The following SLC24A2 variants were observed in gnomAD, a reference collection of about 807,000 sequenced individuals.
SLC24A2 encodes the protein sodium/potassium/calcium exchanger 2.
Under a neutral mutation model 62.0 loss-of-function variants are expected in SLC24A2, and 36 were observed. That is an observed-to-expected ratio of 0.58 (90% CI 0.44 to 0.77). The LOEUF (loss-of-function observed/expected upper bound fraction) is 0.77. SLC24A2 is among the 30% of genes least tolerant of loss of function. SLC24A2 has a pLI of 0.00. For missense variants in SLC24A2, 846 were observed against 817.9 expected, an observed-to-expected ratio of 1.03 and a Z score of -0.42; for synonymous variants, 358 against 294.0, an observed-to-expected ratio of 1.22 and a Z score of -2.23.
intron 9 of SLC24A2, among the ~76,000 whole-genome samples, chr9:19,525,446 C>T (rs1459277337): frequency 7.3e-6 from 1 of 136,702 alleles, no homozygotes; most frequent in Non-Finnish European, 1.5e-5. Context: ...CTCTGCCACC[C>T]ATGCTGGAGT....
At chr9:20,038,289 A>G in the SLC24A2 span, among the ~76,000 whole-genome samples, 1 of 152,226 alleles carries the variant, frequency 6.6e-6, no homozygotes, top group Non-Finnish European at 1.5e-5. Context: ...GACAGCCCTC[A>G]CAAGAGATGA....
intron 8 of SLC24A2, among the ~76,000 whole-genome samples, chr9:19,544,691 C>T (rs1175597464): frequency 1.3e-5 from 2 of 152,142 alleles, no homozygotes; most frequent in African/African-American, 4.8e-5. Flanking sequence ...ACTTACGAAA[C>T]TGAGTTTGCC....
chr9:19,805,269 T>C, the SLC24A2 span, among the ~76,000 whole-genome samples: 1 of 152,206 alleles, frequency 6.6e-6, no homozygotes, highest in African/African-American at 2.4e-5. Flanking sequence ...GCTTATGTTT[T>C]ACATTGAGGT....
chr9:20,235,921 C>G, the SLC24A2 span, among the ~76,000 whole-genome samples: 5 of 152,172 alleles, frequency 3.3e-5, no homozygotes, highest in East Asian at 9.6e-4. Context: ...TTGAGCCTCA[C>G]TGTAAGCTTT....
chr9:19,907,797 A>C, the SLC24A2 span, among the ~76,000 whole-genome samples: 1 of 152,232 alleles, frequency 6.6e-6, no homozygotes, highest in Admixed American at 6.5e-5. Context: ...GGACCTTTTC[A>C]AGGAAAACTA....
intron 5 of SLC24A2, among the ~76,000 whole-genome samples, chr9:19,577,317 G>A (rs76890107): frequency 0.017 from 231 of 13,230 alleles, no homozygotes; most frequent in African/African-American, 0.031. Context: ...CAGGTCTAGA[G>A]AAACAGAGCT....
the SLC24A2 span, among the ~76,000 whole-genome samples, chr9:19,924,242 G>C: frequency 6.6e-6 from 1 of 152,178 alleles, no homozygotes; most frequent in African/African-American, 2.4e-5. Context: ...AGAGTAGCCA[G>C]GATGTCCTTC....
chr9:19,673,905 TTATTTGATGCCTG>T (rs1330799437), intron 2 of SLC24A2, among the ~76,000 whole-genome samples: 1 of 152,216 alleles, frequency 6.6e-6, no homozygotes, highest in Non-Finnish European at 1.5e-5. Context: ...TCTATTCATG[TTATTTGATGCCTG>T]AATATCTTGT....
intron 2 of SLC24A2, among the ~76,000 whole-genome samples, chr9:19,769,134 C>T (rs866567527): frequency 9.2e-5 from 14 of 152,222 alleles, no homozygotes; most frequent in African/African-American, 3.4e-4. Context: ...TTGAAACCCA[C>T]TCCTCCTGAA....
chr9:20,022,090 A>G, the SLC24A2 span, among the ~76,000 whole-genome samples: 1 of 152,144 alleles, frequency 6.6e-6, no homozygotes, highest in African/African-American at 2.4e-5. Flanking sequence ...TGTTAACTAC[A>G]TTTAAGGTAT....
the SLC24A2 span, among the ~76,000 whole-genome samples, chr9:20,294,507 A>G: frequency 1.1e-4 from 16 of 152,260 alleles, no homozygotes; most frequent in African/African-American, 3.8e-4. Context: ...AAATAATTCA[A>G]ACTCTTCCCT....
intron 4 of SLC24A2, among the ~76,000 whole-genome samples, chr9:19,607,549 T>C (rs1257538881): frequency 6.6e-6 from 1 of 151,848 alleles, no homozygotes; most frequent in African/African-American, 2.4e-5. Context: ...GCGAAACCCG[T>C]CTCTACTAAA....
In SLC24A2 at chr9:19,563,821, C is replaced by T. The variant is rs1292721113; in HGVS notation, c.1347+9530G>A. 2.6e-4 allele frequency among the ~76,000 whole-genome samples: 25 copies of T among 97,954 alleles called. 1 individual carries two copies. The highest frequency in any genetic ancestry group is 1.2e-3 in the Admixed American group (12 of 9,604). 64.3% of individuals were successfully genotyped at this position (97,954 alleles called of 152,430 possible). A position where few individuals can be genotyped will look rare whatever the true frequency, so the allele number is the denominator to read the frequency against. ...CCCTTCCTTCCTTCCTTCCTTCCTT[C>T]CTTCCTCCCTCCCTCCCTCCCTCCC... On this transcript the variant is annotated intron_variant, in intron 7 of 10. Transcript: ENST00000341998.
At chr9:19,815,387 G>C in the SLC24A2 span, among the ~76,000 whole-genome samples, 3 of 152,122 alleles carry the variant, frequency 2.0e-5, no homozygotes, top group Non-Finnish European at 4.4e-5. Flanking sequence ...TAACTGGAAA[G>C]ATTTTGTGTT....
the SLC24A2 span, among the ~76,000 whole-genome samples, chr9:19,981,765 G>A: frequency 6.6e-6 from 1 of 152,142 alleles, no homozygotes; most frequent in Non-Finnish European, 1.5e-5. Flanking sequence ...TTACCCATGG[G>A]AAGTTCTTTA....
the SLC24A2 span, among the ~76,000 whole-genome samples, chr9:19,978,293 G>C: frequency 6.6e-6 from 1 of 152,062 alleles, no homozygotes; most frequent in Non-Finnish European, 1.5e-5. Flanking sequence ...GGACAGAGGG[G>C]CCACTTTTAT....
At chr9:19,956,847 G>T in the SLC24A2 span, among the ~76,000 whole-genome samples, 1 of 152,118 alleles carries the variant, frequency 6.6e-6, no homozygotes, top group Non-Finnish European at 1.5e-5. Context: ...GAATGGGATT[G>T]GTGCCCTTAT....
the SLC24A2 span, among the ~76,000 whole-genome samples, chr9:20,213,137 A>G: frequency 3.9e-5 from 6 of 151,922 alleles, no homozygotes; most frequent in Non-Finnish European, 7.3e-5. Flanking sequence ...ACATTTACCT[A>G]TGTAGCAAAC....
chr9:20,016,289 G>T, the SLC24A2 span, among the ~76,000 whole-genome samples: 1 of 152,244 alleles, frequency 6.6e-6, no homozygotes, highest in East Asian at 1.9e-4. Flanking sequence ...ACATGAAAAT[G>T]TAATAGATAC....
Sources: gnomAD v4.1 joint callset for allele counts (sites outside exome capture counted in the v4.1 genomes callset) on GRCh38, gnomAD v4.1.1 for gene constraint, MANE v1.5 for transcripts, NCBI Gene and HGNC (gene_info 2026-07-23, HGNC 2026-07-21) for gene names.